The following CDH9 variants were observed in gnomAD, a reference collection of about 807,000 sequenced individuals.
CDH9 encodes the protein cadherin 9, also known as cadherin-9.
In CDH9, 28 loss-of-function variants were observed where a neutral mutation model predicts 70.9. That is an observed-to-expected ratio of 0.40 (90% confidence interval 0.29 to 0.54). CDH9 has a LOEUF of 0.54. Ranked by LOEUF, CDH9 falls within the 20% of genes least tolerant of loss-of-function variation. The pLI, the probability that CDH9 is intolerant of heterozygous loss-of-function variation, is 0.59. For synonymous variants in CDH9, 409 were observed against 343.1 expected (o/e 1.19, Z -2.12); for missense variants, 874 against 984.4 (o/e 0.89, Z 1.50).
At chr5:26,902,915 G>A (rs997541515) in intron 6 of CDH9, 186 bp from the exon 7 acceptor site, 1 of 520,834 alleles carries the variant, frequency 1.9e-6, no homozygotes, top group East Asian at 3.1e-5. Context: ...TATTCACAGA[G>A]GGTTAACTTA....
At chr5:26,932,868 G>A (rs1741487491) in intron 2 of CDH9, among the ~76,000 whole-genome samples, 3 of 151,146 alleles carry the variant, frequency 2.0e-5, no homozygotes, top group Admixed American at 2.0e-4. Context: ...CCTTGTCTAG[G>A]TATAATTGAG....
At chr5:26,907,470 T>C (rs1740970149) in intron 3 of CDH9, among the ~76,000 whole-genome samples, 1 of 152,068 alleles carries the variant, frequency 6.6e-6, no homozygotes, top group Non-Finnish European at 1.5e-5. Context: ...ACTGGTTATT[T>C]GCTGCACATT....
chr5:26,899,734 G>A (rs1244135095), intron 7 of CDH9, among the ~76,000 whole-genome samples: 1 of 151,968 alleles, frequency 6.6e-6, no homozygotes, highest in African/African-American at 2.4e-5. Context: ...GGGGGAGCTA[G>A]GGGAGGGATA....
chr5:26,919,189 G>A (rs1741200083), intron 2 of CDH9, among the ~76,000 whole-genome samples: 1 of 152,134 alleles, frequency 6.6e-6, no homozygotes, highest in East Asian at 1.9e-4. Context: ...AGACAGTCTT[G>A]AATTGGCTGG....
chr5:26,910,224 C>CT (rs1554036126), intron 3 of CDH9, among the ~76,000 whole-genome samples: 10 of 149,216 alleles, frequency 6.7e-5, no homozygotes, highest in African/African-American at 9.9e-5. Context: ...ATCTATCATC[C>CT]ATCTATCTAT....
chr5:26,986,913 A>G (rs2112090266), intron 2 of CDH9, among the ~76,000 whole-genome samples: 1 of 152,136 alleles, frequency 6.6e-6, no homozygotes, highest in East Asian at 1.9e-4. Context: ...CTATGGAACC[A>G]GAAAAGAGAA....
intron 2 of CDH9, among the ~76,000 whole-genome samples, chr5:26,965,330 C>G (rs1361563655): frequency 6.6e-6 from 1 of 151,986 alleles, no homozygotes; most frequent in Non-Finnish European, 1.5e-5. Context: ...AATCCCAGCA[C>G]TTTGGGAGGC....
At chr5:27,019,739 A>G (rs1235605299) in intron 1 of CDH9, among the ~76,000 whole-genome samples, 1 of 151,942 alleles carries the variant, frequency 6.6e-6, no homozygotes, top group Non-Finnish European at 1.5e-5. Flanking sequence ...ATCAACACAA[A>G]TGAAAGAGAG....
chr5:26,938,208 A>T (rs1363811781), intron 2 of CDH9, among the ~76,000 whole-genome samples: 2 of 151,680 alleles, frequency 1.3e-5, no homozygotes, highest in African/African-American at 4.8e-5. Flanking sequence ...AAAAAAATCA[A>T]TGTAAAAAAG....
intron 4 of CDH9, 49 bp downstream of exon 4, chr5:26,906,670 A>C: frequency 6.4e-7 from 1 of 1,573,362 alleles, no homozygotes; most frequent in Non-Finnish European, 8.7e-7. Flanking sequence ...TTAATTATGC[A>C]TCTTAATGTA....
At chr5:26,987,328 C>T (rs917247951) in intron 2 of CDH9, among the ~76,000 whole-genome samples, 2 of 151,640 alleles carry the variant, frequency 1.3e-5, no homozygotes, top group Non-Finnish European at 2.9e-5. Flanking sequence ...TTATAGTTAA[C>T]AAATGAATTG....
chr5:26,934,758 A>C (rs2112028255), intron 2 of CDH9, among the ~76,000 whole-genome samples: 1 of 152,340 alleles, frequency 6.6e-6, no homozygotes. Flanking sequence ...ATTAACAATT[A>C]ATATCCTTAA....
chr5:27,007,911 AT>A (rs1206987949), intron 1 of CDH9, among the ~76,000 whole-genome samples: 3 of 151,972 alleles, frequency 2.0e-5, no homozygotes, highest in East Asian at 1.9e-4. Flanking sequence ...ATGAATATTA[AT>A]TTTTTTTCAG....
chr5:26,925,960 T>C (rs1329293854), intron 2 of CDH9, among the ~76,000 whole-genome samples: 1 of 152,078 alleles, frequency 6.6e-6, no homozygotes, highest in Admixed American at 6.6e-5. Flanking sequence ...TAAGAGCTAT[T>C]TATGACACAC....
chr5:26,953,715 A>ATGG (rs1741892443), intron 2 of CDH9, among the ~76,000 whole-genome samples: 2 of 152,076 alleles, frequency 1.3e-5, no homozygotes, highest in Non-Finnish European at 2.9e-5. Flanking sequence ...CATCCATCAG[A>ATGG]AAGTTCTGTA....
intron 1 of CDH9, among the ~76,000 whole-genome samples, chr5:27,026,103 T>C (rs1033703785): frequency 6.6e-6 from 1 of 151,862 alleles, no homozygotes; most frequent in African/African-American, 2.4e-5. Flanking sequence ...AATTCTAACT[T>C]TGTATACATA....
At chr5:26,979,176 T>C (rs890141013) in intron 2 of CDH9, among the ~76,000 whole-genome samples, 2 of 151,680 alleles carry the variant, frequency 1.3e-5, no homozygotes, top group African/African-American at 4.8e-5. Flanking sequence ...CAATGCATTA[T>C]GCAGTTTACA....
intron 2 of CDH9, among the ~76,000 whole-genome samples, chr5:26,928,043 C>T (rs1053820057): frequency 2.0e-5 from 3 of 151,930 alleles, no homozygotes; most frequent in African/African-American, 7.2e-5. Flanking sequence ...CTTTCTGTAA[C>T]TTAAGTTAAA....
At chr5:26,993,627 TG>T (rs1336439386) in intron 1 of CDH9, among the ~76,000 whole-genome samples, 4 of 127,416 alleles carry the variant, frequency 3.1e-5, no homozygotes, top group Non-Finnish European at 6.2e-5. Flanking sequence ...AAGAAGGATA[TG>T]GGAAGGAATG....
Sources: allele counts gnomAD v4.1 joint callset (sites outside exome capture counted in the v4.1 genomes callset), GRCh38; gene constraint gnomAD v4.1.1; transcripts MANE v1.5; gene names NCBI Gene and HGNC (gene_info 2026-07-23, HGNC 2026-07-21).